Variants in SLCO1A2 observed in about 807,000 individuals in gnomAD.
SLCO1A2 encodes solute carrier organic anion transporter family member 1A2, also known as OATP-1.
In SLCO1A2, 67 loss-of-function variants were observed where a neutral mutation model predicts 69.0. The observed-to-expected ratio is 0.97, with a 90% CI of 0.80 to 1.19. The LOEUF (loss-of-function observed/expected upper bound fraction) is 1.19. Ranked by LOEUF, SLCO1A2 falls within the 50% of genes most tolerant of loss-of-function variation. The pLI is 0.00. For missense variants in SLCO1A2, 787 were observed against 793.7 expected (o/e 0.99, Z 0.10); for synonymous variants, 260 against 265.9 (o/e 0.98, Z 0.22).
At chr12:21,313,927 G>A (rs1008465606) in intron 4 of SLCO1A2, among the ~76,000 whole-genome samples, 9 of 150,852 alleles carry the variant, frequency 6.0e-5, no homozygotes, top group Non-Finnish European at 1.3e-4. Context: ...TCACACCACT[G>A]CACTCCAGCC....
upstream of SLCO1A2, chr12:21,395,439 C>A (rs1941404387): frequency 6.5e-6 from 1 of 154,546 alleles, no homozygotes; most frequent in South Asian, 2.0e-4. Flanking sequence ...AGCAGCGAGA[C>A]TGGGGGAGGG....
intron 1 of SLCO1A2, 47 bp downstream of exon 1, chr12:21,334,780 G>T: frequency 1.5e-6 from 1 of 664,574 alleles, no homozygotes; most frequent in Non-Finnish European, 2.5e-6. Context: ...TGAAGTAAGT[G>T]CTGAAAATGA....
chr12:21,276,649 G>A (rs1304285731), intron 12 of SLCO1A2, among the ~76,000 whole-genome samples: 2 of 152,064 alleles, frequency 1.3e-5, no homozygotes, highest in Non-Finnish European at 2.9e-5. Context: ...GAAGAGAGCA[G>A]GAAAAATGGT....
chr12:21,320,326 C>T (rs1409271369), intron 2 of SLCO1A2, among the ~76,000 whole-genome samples: 1 of 152,164 alleles, frequency 6.6e-6, no homozygotes, highest in Non-Finnish European at 1.5e-5. Flanking sequence ...CACCTGCAAA[C>T]TTACCTCTAT....
upstream of SLCO1A2, among the ~76,000 whole-genome samples, chr12:21,335,814 C>T (rs4148977): frequency 0.36 from 54,837 of 152,002 alleles, 10,485 homozygotes; most frequent in African/African-American, 0.49. Context: ...ACAACAAATA[C>T]TTATTGAACA....
intron 12 of SLCO1A2, among the ~76,000 whole-genome samples, chr12:21,290,967 A>T (rs1460155632): frequency 6.6e-6 from 1 of 152,174 alleles, no homozygotes; most frequent in African/African-American, 2.4e-5. Flanking sequence ...ATCAAGAAAA[A>T]CATAGGATGC....
intron 1 of SLCO1A2, among the ~76,000 whole-genome samples, chr12:21,388,501 A>G (rs573480454): frequency 3.0e-4 from 46 of 152,240 alleles, no homozygotes; most frequent in Non-Finnish European, 5.0e-4. Context: ...CTTGCCTGCC[A>G]CCATGTAAGA....
At position 21,352,508 on chromosome 12, in the gene SLCO1A2, CTA is replaced by C. The variant is rs754597928; in HGVS notation, c.-62-17801_-62-17800del. 5.1e-4 allele frequency among the ~76,000 whole-genome samples: 77 copies of C among 152,154 alleles called. 1 individual carries two copies. Among genetic ancestry groups the C allele is most frequent in the Non-Finnish European group, 1.0e-3 (69 of 68,030 alleles). On this transcript the variant is annotated intron_variant, in intron 2 of 15. Transcript: ENST00000307378. ...CTTCCTATTAATAGTGCTACTACAGCTATGTGTGGTTGTGTCTGAAAATACCA... is the reference window on the plus strand; with the variant it reads ...CTTCCTATTAATAGTGCTACTACAGCTGTGTGGTTGTGTCTGAAAATACCA...
chr12:21,395,041 A>T (rs1435817813), exon 1 of SLCO1A2: 1 of 157,270 alleles, frequency 6.4e-6, no homozygotes, highest in Non-Finnish European at 1.4e-5. Flanking sequence ...AAATAGGAAC[A>T]GCTCCGGTGC....
At chr12:21,300,203 G>A in intron 8 of SLCO1A2, 145 bp downstream of exon 8, 1 of 525,246 alleles carries the variant, frequency 1.9e-6, no homozygotes. Flanking sequence ...GGAAGAATCG[G>A]ACTAGTTAGG....
Position 21,416,470 on chromosome 12 carries a change from A to G in SLCO1A2, c.-312+1412T>C, listed in dbSNP as rs573997420. Among the ~76,000 whole-genome samples the G allele has an allele frequency of 9.9e-5, 15 of 152,222 alleles. No homozygotes were observed. The East Asian group carries it at 2.1e-3, about 22-fold the overall frequency. On this transcript the variant is annotated intron_variant, in intron 1 of 4. Coordinates refer to the SLCO1A2 transcript ENST00000413682. ...TTATTTGTTCCCAAGTATAAACATT[A>G]TATCATTAGGAGGATTTTTTTTTTA...
chr12:21,329,390 G>A (rs1452458661), intron 2 of SLCO1A2, among the ~76,000 whole-genome samples: 2 of 152,018 alleles, frequency 1.3e-5, no homozygotes, highest in Non-Finnish European at 2.9e-5. Context: ...AGTGGCTTGA[G>A]CTGGGACAGA....
chr12:21,396,674 T>A (rs997371681), upstream of SLCO1A2, among the ~76,000 whole-genome samples: 1 of 152,202 alleles, frequency 6.6e-6, no homozygotes, highest in Non-Finnish European at 1.5e-5. Context: ...AGTGGATCTC[T>A]CAGCAGAAAC....
chr12:21,392,620 C>T (rs563096995), intron 1 of SLCO1A2, among the ~76,000 whole-genome samples: 3 of 152,114 alleles, frequency 2.0e-5, no homozygotes, highest in African/African-American at 4.8e-5. Context: ...TTATCTCTAC[C>T]CTTTGATCTC....
intron 4 of SLCO1A2, among the ~76,000 whole-genome samples, chr12:21,310,927 T>C (rs564289859): frequency 5.3e-5 from 8 of 152,298 alleles, no homozygotes; most frequent in African/African-American, 1.7e-4. Flanking sequence ...TTGATAGCAT[T>C]TTACCCACAG....
chr12:21,345,241 T>C (rs1401851921), intron 2 of SLCO1A2, among the ~76,000 whole-genome samples: 1 of 151,938 alleles, frequency 6.6e-6, no homozygotes, highest in Non-Finnish European at 1.5e-5. Flanking sequence ...TCTCAGAAAA[T>C]AAGGGCTAAA....
At chr12:21,371,934 A>C (rs922156036) in intron 2 of SLCO1A2, among the ~76,000 whole-genome samples, 4 of 151,972 alleles carry the variant, frequency 2.6e-5, no homozygotes, top group African/African-American at 9.7e-5. Flanking sequence ...CCCGGGAGGC[A>C]CAGGTTACAG....
chr12:21,325,956 A>G (rs1382979398), intron 2 of SLCO1A2, among the ~76,000 whole-genome samples: 1 of 152,152 alleles, frequency 6.6e-6, no homozygotes, highest in Non-Finnish European at 1.5e-5. Flanking sequence ...ACCATGTGAT[A>G]TGGTTTGGCT....
At chr12:21,327,445 C>T (rs1042864072) in intron 2 of SLCO1A2, among the ~76,000 whole-genome samples, 1 of 152,126 alleles carries the variant, frequency 6.6e-6, no homozygotes, top group Non-Finnish European at 1.5e-5. Flanking sequence ...ACAACTTGAA[C>T]CATGCACTTG....
Sources: gnomAD v4.1 joint callset for allele counts (sites outside exome capture counted in the v4.1 genomes callset) on GRCh38, gnomAD v4.1.1 for gene constraint, MANE v1.5 for transcripts, NCBI Gene and HGNC (gene_info 2026-07-23, HGNC 2026-07-21) for gene names.